LBR: variants seen among roughly 807,000 people sequenced by gnomAD.
The protein encoded by LBR is delta(14)-sterol reductase LBR.
LBR carries 28 observed loss-of-function variants against 74.3 expected under a neutral mutation model. The ratio of observed to expected loss-of-function variants is 0.38; its 90% CI spans 0.28 to 0.52. LBR has a LOEUF of 0.52. Among genes scored for constraint, LBR ranks in the 20% least tolerant of loss-of-function variants. The pLI, the probability that LBR is intolerant of heterozygous loss-of-function variation, is 0.89. For missense variants in LBR, 717 were observed against 760.3 expected (o/e 0.94, Z 0.67); for synonymous variants, 228 against 269.3 (o/e 0.85, Z 1.50).
chr1:225,410,231 A>G (rs191410653), intron 10 of LBR, 60 bp downstream of exon 10: 3 of 1,609,372 alleles, frequency 1.9e-6, no homozygotes, highest in South Asian at 2.2e-5. Flanking sequence ...AGGCTCTGAC[A>G]GGTCACTCAC....
At chr1:225,422,924 A>G (rs903114698) in intron 2 of LBR, among the ~76,000 whole-genome samples, 1 of 152,156 alleles carries the variant, frequency 6.6e-6, no homozygotes, top group African/African-American at 2.4e-5. Context: ...CAAAATTCAA[A>G]TTTCACTGTC....
At chr1:225,423,066 C>T (rs2096131031) in intron 2 of LBR, among the ~76,000 whole-genome samples, 1 of 152,176 alleles carries the variant, frequency 6.6e-6, no homozygotes. Context: ...CATCCTCAGC[C>T]ATGGGTCCTA....
chr1:225,427,493 G>C (rs1323934224), intron 1 of LBR: 1 of 152,316 alleles, frequency 6.6e-6, no homozygotes, highest in Non-Finnish European at 1.5e-5. Flanking sequence ...TCCCCGTCCC[G>C]CCAGGCCGCC....
At chr1:225,412,772 A>C in intron 7 of LBR, 127 bp from the exon 8 acceptor site, 1 of 830,812 alleles carries the variant, frequency 1.2e-6, no homozygotes, top group East Asian at 2.7e-5. Context: ...CAGACTAAAT[A>C]CACACAAATA....
In LBR at chr1:225,401,864, T is replaced by A. The variant is rs955631445; in HGVS notation, c.*1439A>T. 1.1e-4 allele frequency: 16 copies of A among 152,218 alleles called. No homozygotes were observed. Among genetic ancestry groups the A allele is most frequent in the African/African-American group, 3.9e-4 (16 of 41,450 alleles). The allele number at this position is 152,218 out of a possible 1,614,324, so 9.4% of individuals were successfully genotyped here. A position where few individuals can be genotyped will look rare whatever the true frequency, so the allele number is the denominator to read the frequency against. ...AACCAACTTCATGACTGCATTAACA[T>A]AAGCTAAGTTACATACACTTCAAAT... is the stretch of plus-strand genomic sequence containing the variant. On this transcript the variant is annotated 3_prime_UTR_variant, in exon 14 of 14. Transcript: ENST00000272163.
At chr1:225,422,708 C>T (rs1281326718) in intron 2 of LBR, among the ~76,000 whole-genome samples, 1 of 151,944 alleles carries the variant, frequency 6.6e-6, no homozygotes, top group Non-Finnish European at 1.5e-5. Context: ...AAAACATGAG[C>T]TTGGATGACT....
chr1:225,406,252 GCTCA>G (rs1389686533), intron 11 of LBR, among the ~76,000 whole-genome samples: 1 of 152,072 alleles, frequency 6.6e-6, no homozygotes, highest in African/African-American at 2.4e-5. Flanking sequence ...CCCTCTTAGT[GCTCA>G]CTCACACACC....
intron 1 of LBR, among the ~76,000 whole-genome samples, chr1:225,424,698 A>G (rs1487624043): frequency 6.6e-6 from 1 of 152,176 alleles, no homozygotes; most frequent in Non-Finnish European, 1.5e-5. Flanking sequence ...GCCTTCATCC[A>G]AGCTCACTTC....
At chr1:225,406,920 A>G in intron 10 of LBR, 88 bp from the exon 11 acceptor site, 2 of 1,300,260 alleles carry the variant, frequency 1.5e-6, no homozygotes, top group South Asian at 2.4e-5. Flanking sequence ...AAATGTAAAA[A>G]GTGCTATGGG....
chr1:225,419,836 G>C (rs746560486), intron 3 of LBR, 38 bp from the exon 4 acceptor site: 1 of 1,379,258 alleles, frequency 7.3e-7, no homozygotes, highest in Admixed American at 1.7e-5. Context: ...CAAAAGAACT[G>C]TAACTTATTA....
At chr1:225,411,524 G>A (rs2096105594) in intron 8 of LBR, 84 bp from the exon 9 acceptor site, 3 of 976,002 alleles carry the variant, frequency 3.1e-6, no homozygotes, top group Non-Finnish European at 5.0e-6. Flanking sequence ...CACTATCCAG[G>A]CTCACAATTC....
chr1:225,415,491 C>T (rs557550431), intron 6 of LBR, among the ~76,000 whole-genome samples, 159 bp from the exon 7 acceptor site: 1 of 152,152 alleles, frequency 6.6e-6, no homozygotes, highest in South Asian at 2.1e-4. Context: ...GTTTCAAAAA[C>T]CCTAGTGGCA....
intron 4 of LBR, 42 bp downstream of exon 4, chr1:225,419,673 G>GAA (rs555386914): frequency 2.7e-4 from 306 of 1,133,338 alleles, no homozygotes; most frequent in East Asian, 4.4e-4. Flanking sequence ...CCAAAAAAAA[G>GAA]AAAAAAAAAA....
chr1:225,412,483 G>A lies in LBR; in HGVS notation c.1055C>T (p.Pro352Leu), dbSNP rs372090173. 92 of 1,613,838 alleles carry A rather than the reference G, an allele frequency of 5.7e-5. No individual in the cohort carries two copies. Among genetic ancestry groups the A allele is most frequent in the Non-Finnish European group, 7.7e-5 (91 of 1,180,000 alleles). Residue 352 changes from proline to leucine, a missense_variant, in exon 8 of 14, where the codon CCC becomes CTC. Transcript: ENST00000272163. ...VYLYMRSLKAPRNDLSPASSG... is the reference protein window; with the variant it reads ...VYLYMRSLKALRNDLSPASSG... ...GCTGGCAGGCGACAGGTCATTCCGG[G>A]GCGCTTTCAAAGAGCGCATGTAGAG...
At chr1:225,404,172 C>T (rs71646719) in intron 13 of LBR, among the ~76,000 whole-genome samples, 1 of 152,110 alleles carries the variant, frequency 6.6e-6, no homozygotes, top group African/African-American at 2.4e-5. Context: ...CTATCAGGCA[C>T]AGCTGAAAAC....
chr1:225,424,143 C>A (rs1340867), intron 1 of LBR, 54 bp from the exon 2 acceptor site: 1 of 1,338,260 alleles, frequency 7.5e-7, no homozygotes, highest in Non-Finnish European at 1.1e-6. Context: ...TTTATGTATT[C>A]GTCTTTTTCC....
chr1:225,412,054 C>T (rs2096106868), intron 8 of LBR, among the ~76,000 whole-genome samples: 2 of 152,224 alleles, frequency 1.3e-5, no homozygotes, highest in Non-Finnish European at 2.9e-5. Flanking sequence ...AGGTGATCCA[C>T]CCGCCTTGGC....
chr1:225,412,833 T>C (rs537099745), intron 7 of LBR, among the ~76,000 whole-genome samples, 188 bp from the exon 8 acceptor site: 4 of 152,320 alleles, frequency 2.6e-5, no homozygotes, highest in Admixed American at 1.3e-4. Context: ...TACCATTATC[T>C]CTTGTAGAAC....
At chr1:225,419,682 AAAC>A (rs2096124071) in intron 4 of LBR, 30 bp downstream of exon 4, 3 of 1,523,976 alleles carry the variant, frequency 2.0e-6, no homozygotes, top group Non-Finnish European at 2.7e-6. Context: ...AGAAAAAAAA[AAAC>A]AACCAAGATG....
Sources: gnomAD v4.1 joint callset for allele counts (sites outside exome capture counted in the v4.1 genomes callset) on GRCh38, gnomAD v4.1.1 for gene constraint, MANE v1.5 for transcripts, NCBI Gene and HGNC (gene_info 2026-07-23, HGNC 2026-07-21) for gene names.